Variants in PDGFC observed in about 807,000 individuals in gnomAD.
PDGFC encodes platelet-derived growth factor C.
PDGFC carries 12 observed loss-of-function variants against 35.5 expected under a neutral mutation model. The observed-to-expected ratio is 0.34, with a 90% CI of 0.22 to 0.55. The LOEUF is 0.55. Among genes scored for constraint, PDGFC ranks in the 20% least tolerant of loss-of-function variants. The pLI, the probability that PDGFC is intolerant of heterozygous loss-of-function variation, is 0.91. For missense variants in PDGFC, 322 were observed against 412.4 expected (o/e 0.78, Z 1.90); for synonymous variants, 159 against 148.8 (o/e 1.07, Z -0.50).
At position 156,938,802 on chromosome 4, in the gene PDGFC, CTAATA is replaced by C. The variant is rs537627494; in HGVS notation, c.118+31979_118+31983del. ...TATATTTAATACTTTAATGAACATA[CTAATA>C]TAATAGCACAACAACATTATAAATA... On this transcript the variant is annotated intron_variant, in intron 1 of 5. Coordinates refer to ENST00000502773, the MANE Select transcript of PDGFC (RefSeq NM_016205.3). 3.6e-3 allele frequency among the ~76,000 whole-genome samples: 539 copies of C among 151,442 alleles called. 4 individuals carry two copies. The highest frequency in any genetic ancestry group is 0.012 in the African/African-American group (497 of 41,428).
intron 1 of PDGFC, among the ~76,000 whole-genome samples, chr4:156,921,555 A>G (rs964576882): frequency 2.6e-5 from 4 of 152,170 alleles, no homozygotes; most frequent in African/African-American, 9.7e-5. Flanking sequence ...AGGGTTGATA[A>G]GAAAGACAGA....
At chr4:156,879,132 TC>T (rs1362012621) in intron 1 of PDGFC, among the ~76,000 whole-genome samples, 1 of 152,186 alleles carries the variant, frequency 6.6e-6, no homozygotes, top group African/African-American at 2.4e-5. Flanking sequence ...GCTTCTTTTC[TC>T]ATTCTTCCTC....
At chr4:156,765,317 T>C (rs1047461305) in intron 5 of PDGFC, among the ~76,000 whole-genome samples, 3 of 152,180 alleles carry the variant, frequency 2.0e-5, no homozygotes, top group Admixed American at 6.5e-5. Context: ...ACAGGGCTAA[T>C]GTTCATCTCA....
At chr4:156,816,802 AG>A (rs1732099950) in intron 2 of PDGFC, among the ~76,000 whole-genome samples, 1 of 152,218 alleles carries the variant, frequency 6.6e-6, no homozygotes, top group Non-Finnish European at 1.5e-5. Context: ...CTAACTGCAG[AG>A]AATTTCTGTA....
intron 1 of PDGFC, among the ~76,000 whole-genome samples, chr4:156,938,312 A>C: frequency 6.6e-6 from 1 of 152,298 alleles, no homozygotes; most frequent in Non-Finnish European, 1.5e-5. Flanking sequence ...AAAATCCTAG[A>C]ATCCAATCAT....
chr4:156,772,345 C>T (rs773016587), intron 4 of PDGFC, among the ~76,000 whole-genome samples: 1 of 151,988 alleles, frequency 6.6e-6, no homozygotes, highest in Non-Finnish European at 1.5e-5. Flanking sequence ...TCTTTTGAGT[C>T]CCAAAATCAA....
At chr4:156,895,514 C>A (rs940824291) in intron 1 of PDGFC, among the ~76,000 whole-genome samples, 1 of 151,776 alleles carries the variant, frequency 6.6e-6, no homozygotes, top group African/African-American at 2.4e-5. Flanking sequence ...TGCCTGTAAT[C>A]CCAGCTACTC....
intron 1 of PDGFC, among the ~76,000 whole-genome samples, chr4:156,947,388 G>C (rs1198591783): frequency 6.6e-6 from 1 of 151,974 alleles, no homozygotes; most frequent in Non-Finnish European, 1.5e-5. Flanking sequence ...ACATGGCCTA[G>C]CTAATGCACT....
At chr4:156,900,397 T>C (rs1433132042) in intron 1 of PDGFC, among the ~76,000 whole-genome samples, 2 of 152,134 alleles carry the variant, frequency 1.3e-5, no homozygotes, top group Non-Finnish European at 2.9e-5. Flanking sequence ...CTGGGAATCA[T>C]GATCATTTAA....
Position 156,779,292 on chromosome 4 carries a change from A to G in PDGFC, c.496-6399T>C, listed in dbSNP as rs73856748. On this transcript the variant is annotated intron_variant, in intron 3 of 5. Coordinates refer to ENST00000502773, the MANE Select transcript of PDGFC (RefSeq NM_016205.3). ...AAATTATTTTTAAGCCGGCAATGAA[A>G]AGCAAATGCTTGCATTCCTACTCAA... 3.4e-3 allele frequency: 1,463 copies of G among 432,840 alleles called. 13 individuals carry two copies. The highest frequency in any genetic ancestry group is 0.027 in the African/African-American group (1,337 of 49,506). The allele number at this position is 432,840 out of a possible 1,614,324, so 26.8% of individuals were successfully genotyped here. A position where few individuals can be genotyped will look rare whatever the true frequency, so the allele number is the denominator to read the frequency against.
At chr4:156,825,461 G>T (rs1732418984) in intron 2 of PDGFC, among the ~76,000 whole-genome samples, 1 of 150,118 alleles carries the variant, frequency 6.7e-6, no homozygotes, top group South Asian at 2.1e-4. Context: ...GAGGTGGGAG[G>T]ATCACTTGAG....
chr4:156,899,139 C>T (rs1451546037), intron 1 of PDGFC, among the ~76,000 whole-genome samples: 1 of 152,106 alleles, frequency 6.6e-6, no homozygotes, highest in Non-Finnish European at 1.5e-5. Context: ...TGGATTCAAC[C>T]AACCACAGAT....
At chr4:156,935,096 A>G (rs190075680) in intron 1 of PDGFC, among the ~76,000 whole-genome samples, 1 of 152,208 alleles carries the variant, frequency 6.6e-6, no homozygotes, top group Non-Finnish European at 1.5e-5. Flanking sequence ...CCTGGGTTCA[A>G]GCGATTCTCT....
chr4:156,793,598 T>C (rs1023326223), intron 3 of PDGFC, among the ~76,000 whole-genome samples: 1 of 148,970 alleles, frequency 6.7e-6, no homozygotes, highest in African/African-American at 2.4e-5. Context: ...TGTGTATACA[T>C]GATCACACTT....
chr4:156,763,555 C>G (rs1032235885), intron 5 of PDGFC, among the ~76,000 whole-genome samples: 6 of 152,190 alleles, frequency 3.9e-5, no homozygotes, highest in Middle Eastern at 3.4e-3. Context: ...ATATAAAATT[C>G]GTTTTTCTGT....
At chr4:156,826,621 A>C (rs2111005906) in intron 2 of PDGFC, among the ~76,000 whole-genome samples, 1 of 152,328 alleles carries the variant, frequency 6.6e-6, no homozygotes, top group African/African-American at 2.4e-5. Flanking sequence ...AGATTCTTTC[A>C]ACTTTTATCT....
intron 1 of PDGFC, among the ~76,000 whole-genome samples, chr4:156,927,855 T>C (rs915132028): frequency 1.3e-5 from 2 of 152,144 alleles, no homozygotes; most frequent in African/African-American, 4.8e-5. Flanking sequence ...CCCACTCTAC[T>C]GGTACCAATT....
Position 156,762,109 on chromosome 4 carries a change from C to A in PDGFC, c.*981G>T, listed in dbSNP as rs1730391356. 1 of 152,500 alleles carries A rather than the reference C, an allele frequency of 6.6e-6. No individual in the cohort carries two copies. 9.4% of individuals were successfully genotyped at this position (152,500 alleles called of 1,614,324 possible). On this transcript the variant is annotated 3_prime_UTR_variant, in exon 6 of 6. Coordinates refer to ENST00000502773, the MANE Select transcript of PDGFC (RefSeq NM_016205.3). Reference sequence around the variant, plus strand: ...GTCTTTGCAACTTACCAATTCTATTCCAATTCAGTTTTTTAAAATGCAGAT... The same window carrying A: ...GTCTTTGCAACTTACCAATTCTATTACAATTCAGTTTTTTAAAATGCAGAT...
intron 1 of PDGFC, among the ~76,000 whole-genome samples, chr4:156,876,131 A>T (rs1396018352): frequency 6.6e-6 from 1 of 152,070 alleles, no homozygotes; most frequent in Admixed American, 6.6e-5. Context: ...CAAAACAATG[A>T]CCTGAGTGTG....
Sources: allele counts gnomAD v4.1 joint callset (sites outside exome capture counted in the v4.1 genomes callset), GRCh38; gene constraint gnomAD v4.1.1; transcripts MANE v1.5; gene names NCBI Gene and HGNC (gene_info 2026-07-23, HGNC 2026-07-21).